SGCZ: variants seen among roughly 807,000 people sequenced by gnomAD.
SGCZ encodes zeta-sarcoglycan.
A neutral mutation model predicts 41.3 loss-of-function variants in SGCZ; 40 were observed. That is an observed-to-expected ratio of 0.97 (90% CI 0.75 to 1.26). The LOEUF (loss-of-function observed/expected upper bound fraction) is 1.26. Ranked by LOEUF, SGCZ falls within the 50% of genes most tolerant of loss-of-function variation. The pLI is 0.00. For synonymous variants in SGCZ, 206 were observed against 137.5 expected (o/e 1.50, Z -3.49); for missense variants, 552 against 369.8 (o/e 1.49, Z -4.04).
intron 3 of SGCZ, among the ~76,000 whole-genome samples, chr8:14,303,042 T>C (rs940159579): frequency 1.3e-5 from 2 of 152,154 alleles, no homozygotes; most frequent in African/African-American, 4.8e-5. Context: ...ACTGACATCT[T>C]ACAAGACCCA....
intron 2 of SGCZ, among the ~76,000 whole-genome samples, chr8:14,365,355 A>C (rs1309567459): frequency 6.6e-6 from 1 of 151,974 alleles, no homozygotes; most frequent in Non-Finnish European, 1.5e-5. Context: ...TATTTTCTGC[A>C]TTTTGCTTTA....
intron 5 of SGCZ, among the ~76,000 whole-genome samples, chr8:14,139,617 C>A (rs760520045): frequency 2.6e-5 from 4 of 152,088 alleles, no homozygotes; most frequent in African/African-American, 9.7e-5. Context: ...TGGACACATA[C>A]ACCCTCGCAA....
At chr8:14,203,877 G>C (rs1367158065) in intron 4 of SGCZ, among the ~76,000 whole-genome samples, 2 of 152,018 alleles carry the variant, frequency 1.3e-5, no homozygotes, top group Non-Finnish European at 2.9e-5. Context: ...GAATTATCTA[G>C]GAAAGGAATT....
intron 1 of SGCZ, among the ~76,000 whole-genome samples, chr8:15,030,161 G>T (rs1373176762): frequency 6.6e-6 from 1 of 152,094 alleles, no homozygotes; most frequent in East Asian, 1.9e-4. Context: ...CACAGGAATT[G>T]GAAGGATCCC....
chr8:14,685,380 G>A (rs575742002), intron 1 of SGCZ, among the ~76,000 whole-genome samples: 9 of 151,892 alleles, frequency 5.9e-5, no homozygotes, highest in Non-Finnish European at 1.3e-4. Flanking sequence ...AGCTATTAAG[G>A]CACGTTTAAA....
At chr8:14,571,108 C>A (rs760036231) in intron 1 of SGCZ, among the ~76,000 whole-genome samples, 1 of 152,040 alleles carries the variant, frequency 6.6e-6, no homozygotes, top group African/African-American at 2.4e-5. Flanking sequence ...GAGGAGGCCT[C>A]AGGAAACTTA....
intron 1 of SGCZ, among the ~76,000 whole-genome samples, chr8:14,582,350 G>A (rs1373789378): frequency 6.6e-6 from 1 of 151,978 alleles, no homozygotes; most frequent in Non-Finnish European, 1.5e-5. Flanking sequence ...CCCTGTTGTT[G>A]AAGGGTCTAC....
At chr8:14,541,315 G>A (rs182515477) in intron 2 of SGCZ, among the ~76,000 whole-genome samples, 321 of 151,760 alleles carry the variant, frequency 2.1e-3, no homozygotes, top group Non-Finnish European at 3.9e-3. Context: ...CCCCACGCCC[G>A]GCAGGCCTTG....
intron 1 of SGCZ, among the ~76,000 whole-genome samples, chr8:14,823,242 A>C (rs1447548152): frequency 6.6e-6 from 1 of 151,900 alleles, no homozygotes; most frequent in Non-Finnish European, 1.5e-5. Context: ...AATTACATCA[A>C]ACAAAAAAAC....
chr8:14,642,900 A>C (rs1473658304), intron 1 of SGCZ, among the ~76,000 whole-genome samples: 3 of 151,584 alleles, frequency 2.0e-5, no homozygotes. Context: ...TATTTAGTAC[A>C]GACGGAAATG....
At chr8:15,168,145 G>A (rs147052968) in intron 1 of SGCZ, among the ~76,000 whole-genome samples, 13 of 152,132 alleles carry the variant, frequency 8.5e-5, no homozygotes, top group Admixed American at 3.3e-4. Context: ...GAATCCATGC[G>A]ACACCCCCAC....
intron 2 of SGCZ, among the ~76,000 whole-genome samples, chr8:14,382,351 A>G (rs1406820033): frequency 6.6e-6 from 1 of 152,140 alleles, no homozygotes; most frequent in Admixed American, 6.5e-5. Context: ...TGTGGGAATG[A>G]ACTCAGACTC....
At chr8:14,682,506 C>G in intron 1 of SGCZ, among the ~76,000 whole-genome samples, 1 of 150,812 alleles carries the variant, frequency 6.6e-6, no homozygotes. Flanking sequence ...GCAATCACGG[C>G]TCACTGCAAT....
chr8:15,224,161 G>C (rs1182054953), intron 1 of SGCZ, among the ~76,000 whole-genome samples: 1 of 152,010 alleles, frequency 6.6e-6, no homozygotes, highest in Non-Finnish European at 1.5e-5. Context: ...CAGCCAAAAA[G>C]CTTCTTTAAA....
intron 1 of SGCZ, among the ~76,000 whole-genome samples, chr8:15,035,534 C>A (rs1038106949): frequency 1.3e-5 from 2 of 152,064 alleles, no homozygotes; most frequent in Admixed American, 6.5e-5. Context: ...GGATTGTATT[C>A]TCTAATCAAA....
chr8:14,450,705 A>T (rs548161550), intron 2 of SGCZ, among the ~76,000 whole-genome samples: 1 of 152,266 alleles, frequency 6.6e-6, no homozygotes, highest in African/African-American at 2.4e-5. Flanking sequence ...CTATTTTAAG[A>T]TTCTTAGAAA....
At chr8:14,518,370 C>A (rs996718244) in intron 2 of SGCZ, among the ~76,000 whole-genome samples, 5 of 151,900 alleles carry the variant, frequency 3.3e-5, no homozygotes, top group Non-Finnish European at 7.4e-5. Context: ...ATACACTACA[C>A]GTATAAAATA....
intron 3 of SGCZ, among the ~76,000 whole-genome samples, chr8:14,254,507 G>A (rs1449512213): frequency 6.6e-6 from 1 of 152,164 alleles, no homozygotes; most frequent in Non-Finnish European, 1.5e-5. Context: ...AGCAGTAAAT[G>A]AAATGAATGA....
At chr8:14,976,873 A>G (rs1457397833) in intron 1 of SGCZ, among the ~76,000 whole-genome samples, 1 of 152,228 alleles carries the variant, frequency 6.6e-6, no homozygotes, top group African/African-American at 2.4e-5. Context: ...AACCTACCAT[A>G]TGTAGTGGCT....
Sources: allele counts gnomAD v4.1 joint callset (sites outside exome capture counted in the v4.1 genomes callset), GRCh38; gene constraint gnomAD v4.1.1; transcripts MANE v1.5; gene names NCBI Gene and HGNC (gene_info 2026-07-23, HGNC 2026-07-21).